The following ZIC4 variants were observed in gnomAD, a reference collection of about 807,000 sequenced individuals.
The protein encoded by ZIC4 is zinc finger protein ZIC 4.
A neutral mutation model predicts 28.8 loss-of-function variants in ZIC4; 15 were observed. That is an observed-to-expected ratio of 0.52 (90% confidence interval 0.35 to 0.80). ZIC4 has a LOEUF of 0.80. ZIC4 is among the 30% of genes least tolerant of loss of function. The probability of loss-of-function intolerance (pLI) is 0.01; values close to 1 mark genes in which losing one functional copy is unlikely to be tolerated. For missense variants in ZIC4, 512 were observed against 467.1 expected (o/e 1.10, Z -0.89); for synonymous variants, 220 against 198.1 (o/e 1.11, Z -0.93).
intron 1 of ZIC4, chr3:147,405,237 G>T: frequency 1.3e-6 from 1 of 784,610 alleles, no homozygotes; most frequent in Non-Finnish European, 2.0e-6. Context: ...CAGTAGATCA[G>T]GCTGGGCATT....
In ZIC4 at chr3:147,388,857, C is replaced by T. The variant is rs1349839422; in HGVS notation, c.*2G>A. 2 of 780,182 alleles carry T rather than the reference C, an allele frequency of 2.6e-6. No homozygotes were observed. Among genetic ancestry groups the T allele is most frequent in the East Asian group, 2.4e-5 (1 of 41,202 alleles). 48.3% of individuals were successfully genotyped at this position (780,182 alleles called of 1,614,324 possible). On this transcript the variant is annotated splice_region_variant and 3_prime_UTR_variant, in exon 5 of 5. Transcript: ENST00000383075. The stretch of plus-strand genomic sequence containing the variant: ...ATTACCTTGCGAGCAACGCGGTGGA[C>T]ATCTGTAACAAGCAAATGAAAAATT...
intron 4 of ZIC4, chr3:147,389,140 A>C: frequency 1.9e-6 from 1 of 540,030 alleles, no homozygotes; most frequent in South Asian, 2.5e-5. Flanking sequence ...TCTGGGCCCT[A>C]TTGTATTAGG....
chr3:147,386,548 T>C lies in ZIC4; in HGVS notation c.*2311A>G, dbSNP rs2086800842. ...TGGGTTACAGCTTGGAAAAACTTCT[T>C]TACAAGCCATTTATTCAGCACACAC... is the stretch of plus-strand genomic sequence containing the variant. On this transcript the variant is annotated 3_prime_UTR_variant, in exon 5 of 5. Transcript: ENST00000383075. 2 of 152,646 alleles carry C rather than the reference T, an allele frequency of 1.3e-5. No individual in the cohort carries two copies. The highest frequency in any genetic ancestry group is 2.4e-5 in the African/African-American group (1 of 41,458). The allele number at this position is 152,646 out of a possible 1,614,324, so 9.5% of individuals were successfully genotyped here.
intron 1 of ZIC4, among the ~76,000 whole-genome samples, chr3:147,404,877 C>G (rs533160327): frequency 3.9e-5 from 6 of 152,322 alleles, no homozygotes; most frequent in African/African-American, 1.4e-4. Context: ...CTTCAGTTCC[C>G]GAGCTGCTCC....
chr3:147,396,220 A>T lies in ZIC4; in HGVS notation c.320T>A (p.Leu107His), dbSNP rs2087039171. The change falls in exon 3 of 5, where the codon CTC (leucine) becomes CAC (histidine). Residue 107 changes from leucine (L) to histidine (H), a missense_variant. Physicochemically the swap from Leu to His is moderately conservative, Grantham distance 99 (BLOSUM62 -3). Around this residue, in one of 3 missense-constraint regions of ZIC4, gnomAD observed 310 missense variants for 256.5 expected, o/e 1.21. Coordinates refer to ENST00000383075, the MANE Select transcript of ZIC4 (RefSeq NM_032153.6). The surrounding 1 kb of genome is among the most constrained non-coding windows in gnomAD (Gnocchi z 4.2). ...AGCGCCAGGACCGTGGGGCGCAGCG[A>T]GGTTCACCGTCAGGTTCATGCCCCC... is the stretch of plus-strand genomic sequence containing the variant. ...GYGGMNLTVNLAAPHGPGAFF... is the reference protein window; with the variant it reads ...GYGGMNLTVNHAAPHGPGAFF... 1.1e-5 allele frequency: 17 copies of T among 1,613,918 alleles called. No individual in the cohort carries two copies. Among genetic ancestry groups the T allele is most frequent in the Non-Finnish European group, 1.4e-5 (17 of 1,179,948 alleles).
At chr3:147,395,474 C>A (rs1422709731) in intron 3 of ZIC4, among the ~76,000 whole-genome samples, 1 of 152,182 alleles carries the variant, frequency 6.6e-6, no homozygotes, top group Non-Finnish European at 1.5e-5. Flanking sequence ...AGTTCTGCTG[C>A]GCAATTCCAA....
At chr3:147,389,586 AG>A (rs1181708075) in intron 4 of ZIC4, among the ~76,000 whole-genome samples, 4 of 151,706 alleles carry the variant, frequency 2.6e-5, no homozygotes, top group Admixed American at 1.3e-4. Context: ...AGATGGGGGG[AG>A]GGGGGAAAAA....
At chr3:147,403,298 G>C (rs1196439149) in intron 1 of ZIC4, among the ~76,000 whole-genome samples, 1 of 152,116 alleles carries the variant, frequency 6.6e-6, no homozygotes, top group Non-Finnish European at 1.5e-5. Context: ...TTCTTTGCAG[G>C]TTTTCAAATC....
chr3:147,388,604 C>A lies in ZIC4; in HGVS notation c.*255G>T. 1 of 476,544 alleles carries A rather than the reference C, an allele frequency of 2.1e-6. No homozygotes were observed. The highest frequency in any genetic ancestry group is 3.7e-6 in the Non-Finnish European group (1 of 270,520). 29.5% of individuals were successfully genotyped at this position (476,544 alleles called of 1,614,324 possible). A position where few individuals can be genotyped will look rare whatever the true frequency, so the allele number is the denominator to read the frequency against. On this transcript the variant is annotated 3_prime_UTR_variant, in exon 5 of 5. Transcript: ENST00000383075. Reference sequence around the variant, plus strand: ...AGTCCGCGTCAAACAAAAATATATACTTGTATACACAAGAAAAAAGGTCTG... The same window carrying A: ...AGTCCGCGTCAAACAAAAATATATAATTGTATACACAAGAAAAAAGGTCTG...
rs2086909019 is a variant in ZIC4, at chr3:147,391,130, GCAC to G, written c.802_804del (p.Val268del). The G allele has an allele frequency of 6.2e-7, 1 of 1,613,910 alleles. No individual in the cohort carries two copies. Among genetic ancestry groups the G allele is most frequent in the Admixed American group, 1.7e-5 (1 of 60,008 alleles). On this transcript the variant is annotated inframe_deletion, in exon 4 of 5. Transcript: ENST00000383075. Reference sequence around the variant, plus strand: ...TGCGTGTAGCACTTGTCGCAGCCCCGCACCTTGCACGTGTATGGCTTGTCGCTA... The same window carrying G: ...TGCGTGTAGCACTTGTCGCAGCCCCGCTTGCACGTGTATGGCTTGTCGCTA...
At chr3:147,403,869 C>T (rs1467016742) in intron 1 of ZIC4, 7 of 1,228,438 alleles carry the variant, frequency 5.7e-6, no homozygotes, top group South Asian at 3.2e-5. Flanking sequence ...TCCCCCTCAA[C>T]GTCCAACCAG....
Position 147,390,936 on chromosome 3 carries a change from G to A in ZIC4, c.999C>T (p.Ser333=), listed in dbSNP as rs770073685. Residue 333 remains serine, a synonymous_variant, in exon 4 of 5, where the codon AGC becomes AGT. Coordinates refer to ENST00000383075, the MANE Select transcript of ZIC4 (RefSeq NM_032153.6). ...AAVAARTADL[S]E is the part of the protein sequence containing the mutation. ...CCAAGCCCTGACACACGTACCATTC[G>A]CTCAAGTCGGCGGTACGCGCCGCCA... The A allele has an allele frequency of 1.2e-6, 2 of 1,608,428 alleles. No homozygotes were observed. Among genetic ancestry groups the A allele is most frequent in the Admixed American group, 1.7e-5 (1 of 59,762 alleles).
intron 1 of ZIC4, among the ~76,000 whole-genome samples, chr3:147,403,138 A>G (rs2087204125): frequency 6.6e-6 from 1 of 152,046 alleles, no homozygotes; most frequent in South Asian, 2.1e-4. Context: ...TAGCTTCCCA[A>G]ATTTGAATTA....
Position 147,396,126 on chromosome 3 carries a change from G to A in ZIC4, c.414C>T (p.Thr138=), listed in dbSNP as rs373220967. ...LICKWLAADG[T]ATPSLCSKTF... is the part of the protein sequence containing the mutation. ...TTTTGGAGCAGAGGCTCGGGGTCGC[G>A]GTGCCGTCGGCCGCCAGCCACTTGC... Residue 138 remains threonine, a synonymous_variant, in exon 3 of 5, where the codon ACC becomes ACT. Transcript: ENST00000383075. This position sits in a 1 kb window ranked among gnomAD's most constrained non-coding sequence, Gnocchi z 4.2. 6.2e-7 allele frequency: 1 copy of A among 1,613,716 alleles called. No homozygotes were observed. Among genetic ancestry groups the A allele is most frequent in the Non-Finnish European group, 8.5e-7 (1 of 1,179,960 alleles).
rs2086856767 is a variant in ZIC4, at chr3:147,389,186, C to T, written c.*-327G>A. On this transcript the variant is annotated intron_variant, in intron 4 of 4. Coordinates refer to ENST00000383075, the MANE Select transcript of ZIC4 (RefSeq NM_032153.6). ...AATTTCAGTCCCCCTTTCTCAAGGA[C>T]GGATTCACTAAAGGTGTATTTGGAA... is the stretch of plus-strand genomic sequence containing the variant. 7.5e-6 allele frequency: 3 copies of T among 397,892 alleles called. No homozygotes were observed. In the Admixed American group the frequency reaches 1.3e-4, roughly 17 times the overall value. 24.6% of individuals were successfully genotyped at this position (397,892 alleles called of 1,614,324 possible).
intron 4 of ZIC4, among the ~76,000 whole-genome samples, chr3:147,390,147 C>T (rs1160310169): frequency 1.3e-5 from 2 of 152,194 alleles, no homozygotes; most frequent in African/African-American, 2.4e-5. Context: ...GCCCAGGCCA[C>T]TCCATAGGGG....
intron 1 of ZIC4, chr3:147,405,350 T>C (rs1364217054): frequency 6.5e-7 from 1 of 1,528,344 alleles, no homozygotes; most frequent in South Asian, 1.2e-5. Flanking sequence ...GACAATACTG[T>C]CGGAAAGCGG....
chr3:147,405,472 C>G, intron 1 of ZIC4: 1 of 1,537,236 alleles, frequency 6.5e-7, no homozygotes. Context: ...GGCCATTCAT[C>G]AACCCCAACT....
At position 147,396,447 on chromosome 3, in the gene ZIC4, G is replaced by T; in HGVS notation, c.93C>A (p.Gly31=). The T allele has an allele frequency of 4.6e-6, 7 of 1,519,596 alleles. No individual in the cohort carries two copies. In the South Asian group the frequency reaches 5.3e-5, roughly 12 times the overall value. The allele number at this position is 1,519,596 out of a possible 1,614,324, so 94.1% of individuals were successfully genotyped here. The change falls in exon 3 of 5, where the codon GGC becomes GGA. Residue 31 remains glycine (G), a synonymous_variant. Transcript: ENST00000383075. The surrounding 1 kb of genome is among the most constrained non-coding windows in gnomAD (Gnocchi z 4.2). ...KESSSSSGHH[G]PQLTAASSPS... Reference sequence around the variant, plus strand: ...GGCTGGAGGCGGCGGTGAGCTGGGGGCCATGGTGTCCAGAGCTGCTACCTG... The same window carrying T: ...GGCTGGAGGCGGCGGTGAGCTGGGGTCCATGGTGTCCAGAGCTGCTACCTG...
Sources: allele counts gnomAD v4.1 joint callset (sites outside exome capture counted in the v4.1 genomes callset), GRCh38; gene constraint gnomAD v4.1.1; regional missense constraint gnomAD v4.1.1; non-coding constraint Gnocchi (gnomAD v3.1); transcripts MANE v1.5; gene names NCBI Gene and HGNC (gene_info 2026-07-23, HGNC 2026-07-21).